The following TAFA1 variants were observed in gnomAD, a reference collection of about 807,000 sequenced individuals.
TAFA1 encodes chemokine-like protein TAFA-1.
In TAFA1, 4 loss-of-function variants were observed where a neutral mutation model predicts 18.5. The ratio of observed to expected loss-of-function variants is 0.22; its 90% confidence interval spans 0.11 to 0.49. The LOEUF is 0.49. TAFA1 is among the 20% of genes least tolerant of loss of function. The pLI is 0.98. For synonymous variants in TAFA1, 56 were observed against 55.2 expected (o/e 1.01, Z -0.06); for missense variants, 147 against 169.0 (o/e 0.87, Z 0.72).
rs1458211810 is a variant in TAFA1, at chr3:68,383,623, G to T, written c.119-33657G>T. On this transcript the variant is annotated intron_variant, in intron 2 of 4. Coordinates refer to ENST00000478136, the MANE Select transcript of TAFA1 (RefSeq NM_213609.4). ...GATTTTTGCGTTGATGTTCATCAAGGATATTGGCCTGAAGTTTTTTTGTTG... is the reference window on the plus strand; with the variant it reads ...GATTTTTGCGTTGATGTTCATCAAGTATATTGGCCTGAAGTTTTTTTGTTG... Among the ~76,000 whole-genome samples, 2 of 152,128 alleles carry T rather than the reference G, an allele frequency of 1.3e-5. 1 individual carries two copies. Among genetic ancestry groups the T allele is most frequent in the Non-Finnish European group, 2.9e-5 (2 of 68,012 alleles).
intron 2 of TAFA1, among the ~76,000 whole-genome samples, chr3:68,414,948 C>T (rs994983885): frequency 3.9e-5 from 6 of 152,104 alleles, no homozygotes; most frequent in Admixed American, 6.6e-5. Context: ...TGTGAAGTGT[C>T]GAACTAGCTG....
intron 2 of TAFA1, among the ~76,000 whole-genome samples, chr3:68,195,032 T>C (rs548922513): frequency 8.5e-4 from 129 of 151,704 alleles, no homozygotes; most frequent in African/African-American, 3.1e-3. Context: ...TACATGCCCA[T>C]CCATGTCTGG....
chr3:68,463,073 G>C (rs1174244379), intron 3 of TAFA1, among the ~76,000 whole-genome samples: 1 of 152,144 alleles, frequency 6.6e-6, no homozygotes, highest in African/African-American at 2.4e-5. Flanking sequence ...GTGATCCCTA[G>C]TTCTTAGTTA....
intron 2 of TAFA1, among the ~76,000 whole-genome samples, chr3:68,073,160 T>G (rs1227558768): frequency 6.6e-6 from 1 of 152,226 alleles, no homozygotes; most frequent in Non-Finnish European, 1.5e-5. Flanking sequence ...AGAGACCTCC[T>G]TTGAGTAGGC....
intron 2 of TAFA1, among the ~76,000 whole-genome samples, chr3:68,171,190 A>C (rs542664616): frequency 4.1e-4 from 63 of 152,096 alleles, no homozygotes; most frequent in Non-Finnish European, 7.9e-4. Flanking sequence ...TGGAAGAGGG[A>C]GGTAAAAGAG....
chr3:68,472,111 G>C lies in TAFA1; in HGVS notation c.259+54691G>C, dbSNP rs187664173. 7.8e-4 allele frequency among the ~76,000 whole-genome samples: 118 copies of C among 152,004 alleles called. No individual in the cohort carries two copies. In the Middle Eastern group the frequency reaches 0.01, roughly 13 times the overall value. Reference sequence around the variant, plus strand: ...AGTGACAGAATGATATGGTTTGACTGTGTCCCCACCCAAATCTAATCTTGA... The same window carrying C: ...AGTGACAGAATGATATGGTTTGACTCTGTCCCCACCCAAATCTAATCTTGA... On this transcript the variant is annotated intron_variant, in intron 3 of 4. Transcript: ENST00000478136.
At chr3:68,366,456 G>C (rs1435783649) in intron 2 of TAFA1, among the ~76,000 whole-genome samples, 1 of 152,142 alleles carries the variant, frequency 6.6e-6, no homozygotes, top group African/African-American at 2.4e-5. Flanking sequence ...CCTAGTACTT[G>C]TTTTCAAACC....
chr3:68,029,821 G>T (rs1252076573), intron 2 of TAFA1, among the ~76,000 whole-genome samples: 2 of 152,150 alleles, frequency 1.3e-5, no homozygotes, highest in African/African-American at 2.4e-5. Context: ...AAATCAACAT[G>T]GTCTCAACCT....
chr3:68,027,201 T>C (rs2106641503), intron 2 of TAFA1, among the ~76,000 whole-genome samples: 1 of 152,252 alleles, frequency 6.6e-6, no homozygotes, highest in East Asian at 1.9e-4. Flanking sequence ...TGGTGGGCCC[T>C]TTTCTGAGAG....
At chr3:68,083,813 C>A (rs2064937418) in intron 2 of TAFA1, among the ~76,000 whole-genome samples, 1 of 152,034 alleles carries the variant, frequency 6.6e-6, no homozygotes, top group African/African-American at 2.4e-5. Flanking sequence ...TTCTCTCCCT[C>A]AGCTTCGGAT....
At chr3:68,435,222 G>A (rs1205853272) in intron 3 of TAFA1, among the ~76,000 whole-genome samples, 2 of 152,122 alleles carry the variant, frequency 1.3e-5, no homozygotes, top group East Asian at 1.9e-4. Flanking sequence ...ACAATGGCAT[G>A]TGCAAAAGCC....
At chr3:68,409,116 A>G (rs1394246400) in intron 2 of TAFA1, among the ~76,000 whole-genome samples, 3 of 152,162 alleles carry the variant, frequency 2.0e-5, no homozygotes, top group Non-Finnish European at 4.4e-5. Context: ...CACCACAGCA[A>G]TACCCACACA....
chr3:68,081,656 GGCAGT>G (rs1234467136), intron 2 of TAFA1, among the ~76,000 whole-genome samples: 1 of 152,168 alleles, frequency 6.6e-6, no homozygotes, highest in Non-Finnish European at 1.5e-5. Context: ...CATTTGAGGA[GGCAGT>G]CTGCCCCTTC....
the TAFA1 span, among the ~76,000 whole-genome samples, chr3:67,998,949 T>C: frequency 5.9e-5 from 9 of 152,216 alleles, no homozygotes; most frequent in African/African-American, 1.9e-4. Context: ...CTTTCTATGC[T>C]ATTTTCATCC....
intron 3 of TAFA1, among the ~76,000 whole-genome samples, chr3:68,440,075 C>T (rs2071345819): frequency 6.6e-6 from 1 of 151,884 alleles, no homozygotes; most frequent in Non-Finnish European, 1.5e-5. Flanking sequence ...AATTGTAACC[C>T]CCACAATTCC....
At chr3:67,996,909 A>G in the TAFA1 span, among the ~76,000 whole-genome samples, 1 of 152,206 alleles carries the variant, frequency 6.6e-6, no homozygotes, top group Non-Finnish European at 1.5e-5. Context: ...GAGAGACAAT[A>G]ATAGAGAAAT....
chr3:68,327,409 A>C (rs1033532579), intron 2 of TAFA1, among the ~76,000 whole-genome samples: 9 of 152,204 alleles, frequency 5.9e-5, no homozygotes, highest in African/African-American at 2.2e-4. Flanking sequence ...TTTTACAAAA[A>C]CTTGAAAGTA....
At chr3:68,069,713 TA>T (rs1425095534) in intron 2 of TAFA1, among the ~76,000 whole-genome samples, 1 of 152,230 alleles carries the variant, frequency 6.6e-6, no homozygotes, top group East Asian at 1.9e-4. Flanking sequence ...ACTTCCTAGA[TA>T]CAATGAGGTT....
intron 2 of TAFA1, among the ~76,000 whole-genome samples, chr3:68,258,355 T>C (rs1235188486): frequency 1.3e-5 from 2 of 152,208 alleles, no homozygotes; most frequent in African/African-American, 4.8e-5. Context: ...GTGGTTGATG[T>C]ATTCAAGTTG....
Sources: gnomAD v4.1 joint callset for allele counts (sites outside exome capture counted in the v4.1 genomes callset) on GRCh38, gnomAD v4.1.1 for gene constraint, MANE v1.5 for transcripts, NCBI Gene and HGNC (gene_info 2026-07-23, HGNC 2026-07-21) for gene names.